LYSMD4: variants seen among roughly 807,000 people sequenced by gnomAD.
LYSMD4 encodes the protein LysM domain containing 4, also known as lysM and putative peptidoglycan-binding domain-containing protein 4.
A neutral mutation model predicts 6.1 loss-of-function variants in LYSMD4; 9 were observed. The ratio of observed to expected loss-of-function variants is 1.47; its 90% CI spans 0.88 to 2.56. The LOEUF (loss-of-function observed/expected upper bound fraction) is 2.56. Ranked by LOEUF, LYSMD4 falls within the 30% of genes most tolerant of loss-of-function variation. The probability of loss-of-function intolerance (pLI) is 0.00; values close to 1 mark genes in which losing one functional copy is unlikely to be tolerated. For missense variants in LYSMD4, 384 were observed against 373.5 expected, an observed-to-expected ratio of 1.03 and a Z score of -0.23; for synonymous variants, 143 against 148.5, an observed-to-expected ratio of 0.96 and a Z score of 0.27.
chr15:99,716,631 AG>A (rs1331134133), exon 2 of LYSMD4: 1 of 456,762 alleles, frequency 2.2e-6, no homozygotes. Flanking sequence ...GGGTTGAGAC[AG>A]GGTCAAGGAA....
downstream of LYSMD4, among the ~76,000 whole-genome samples, chr15:99,726,145 G>GTTTTT (rs1567547710): frequency 3.2e-5 from 1 of 31,412 alleles, no homozygotes; most frequent in African/African-American, 7.5e-5. Context: ...TGTCTCAAGT[G>GTTTTT]GTTTTTTTTT....
chr15:99,717,876 T>C (rs1338263785), upstream of LYSMD4: 2 of 152,194 alleles, frequency 1.3e-5, no homozygotes, highest in African/African-American at 2.4e-5. Flanking sequence ...CAGTCCCCCC[T>C]TTTTTTACTC....
At position 99,728,778 on chromosome 15, in the gene LYSMD4, G is replaced by T. The variant is rs751921077; in HGVS notation, c.*345C>A. Reference sequence around the variant, plus strand: ...GATGCCACTGGCTCTCACGCTGCAGGTCCCTCGACAGAGGCCATAAATCTT... The same window carrying T: ...GATGCCACTGGCTCTCACGCTGCAGTTCCCTCGACAGAGGCCATAAATCTT... On this transcript the variant is annotated 3_prime_UTR_variant, in exon 3 of 3. Coordinates refer to ENST00000684762, the MANE Select transcript of LYSMD4 (RefSeq NM_001284417.2). 2.3e-4 allele frequency: 67 copies of T among 290,778 alleles called. No homozygotes were observed. The highest frequency in any genetic ancestry group is 3.7e-4 in the Non-Finnish European group (56 of 150,038). 18.0% of individuals were successfully genotyped at this position (290,778 alleles called of 1,614,324 possible). A position where few individuals can be genotyped will look rare whatever the true frequency, so the allele number is the denominator to read the frequency against.
rs1394009649 is a variant in LYSMD4, at chr15:99,729,026, G to A, written c.*97C>T. 16 of 1,513,818 alleles carry A rather than the reference G, an allele frequency of 1.1e-5. No individual in the cohort carries two copies. The highest frequency in any genetic ancestry group is 6.2e-5 in the South Asian group (5 of 80,158). The allele number at this position is 1,513,818 out of a possible 1,614,324, so 93.8% of individuals were successfully genotyped here. The stretch of plus-strand genomic sequence containing the variant: ...TTCTGAAAAGTGTCCATCCTTCCCC[G>A]GAAGCAAAATGCAGCACCCCTAGGA... On this transcript the variant is annotated 3_prime_UTR_variant, in exon 3 of 3. Transcript: ENST00000684762.
At chr15:99,718,654 G>C (rs977351509), upstream of LYSMD4, among the ~76,000 whole-genome samples, 1 of 152,144 alleles carries the variant, frequency 6.6e-6, no homozygotes, top group Admixed American at 6.5e-5. Context: ...TGGCCATGAG[G>C]AGCTTGATCA....
chr15:99,730,852 A>G (rs77696040), intron 2 of LYSMD4, among the ~76,000 whole-genome samples: 1,726 of 152,292 alleles, frequency 0.011, 35 homozygotes, highest in African/African-American at 0.039. Context: ...TTTTCAGCCC[A>G]TGTTCTGTAA....
exon 1 of LYSMD4, chr15:99,716,645 C>G: frequency 2.2e-6 from 1 of 456,690 alleles, no homozygotes; most frequent in South Asian, 1.5e-5. Context: ...TCAAGGAAAC[C>G]GTCCCAACGC....
chr15:99,729,879 CAA>C, intron 2 of LYSMD4, 148 bp from the exon 3 acceptor site: 1 of 1,057,834 alleles, frequency 9.5e-7, no homozygotes, highest in Non-Finnish European at 1.3e-6. Context: ...CAGCTGTACA[CAA>C]AGTTAGTTTA....
At position 99,727,531 on chromosome 15, in the gene LYSMD4, T is replaced by C. The variant is rs1264684815; in HGVS notation, c.*1592A>G. The stretch of plus-strand genomic sequence containing the variant: ...CTGGTGAAGTGACAGTGACAGATGT[T>C]AGAGGAACCTGTGGCCCTCAGTGAC... On this transcript the variant is annotated 3_prime_UTR_variant, in exon 3 of 3. Coordinates refer to ENST00000684762, the MANE Select transcript of LYSMD4 (RefSeq NM_001284417.2). 1 of 152,200 alleles carries C rather than the reference T, an allele frequency of 6.6e-6. No homozygotes were observed. Among genetic ancestry groups the C allele is most frequent in the Non-Finnish European group, 1.5e-5 (1 of 68,048 alleles). The allele number at this position is 152,200 out of a possible 1,614,324, so 9.4% of individuals were successfully genotyped here.
exon 1 of LYSMD4, chr15:99,716,632 G>A (rs1037141693): frequency 6.6e-6 from 3 of 456,634 alleles, no homozygotes; most frequent in East Asian, 1.4e-4. Flanking sequence ...GGTTGAGACA[G>A]GGTCAAGGAA....
At chr15:99,725,272 T>C (rs1000888950), downstream of LYSMD4, among the ~76,000 whole-genome samples, 1 of 152,192 alleles carries the variant, frequency 6.6e-6, no homozygotes, top group Admixed American at 6.5e-5. Context: ...CCTAGATCAA[T>C]TGTATTTCCA....
In LYSMD4 at chr15:99,733,400, GCGAC is replaced by G. The variant is rs2059475258; in HGVS notation, c.-68_-65del. 1.5e-5 allele frequency: 6 copies of G among 395,816 alleles called. No homozygotes were observed. The highest frequency in any genetic ancestry group is 1.2e-4 in the African/African-American group (6 of 48,538). The allele number at this position is 395,816 out of a possible 1,614,324, so 24.5% of individuals were successfully genotyped here. ...ACCGGCGACTCGCGACCCGCGACCC[GCGAC>G]CCGCAGCTGCCACCGCGCCTGCGGA... is the stretch of plus-strand genomic sequence containing the variant. On this transcript the variant is annotated 5_prime_UTR_variant, in exon 1 of 3. Transcript: ENST00000684762.
upstream of LYSMD4, among the ~76,000 whole-genome samples, chr15:99,718,909 G>GCGCA (rs1332166917): frequency 3.3e-5 from 5 of 150,604 alleles, no homozygotes; most frequent in Non-Finnish European, 3.0e-5. Context: ...GTAGTTATGC[G>GCGCA]CACACACACA....
At chr15:99,725,509 T>C (rs984296502), downstream of LYSMD4, among the ~76,000 whole-genome samples, 1 of 152,206 alleles carries the variant, frequency 6.6e-6, no homozygotes, top group Non-Finnish European at 1.5e-5. Flanking sequence ...CCTTTGACTC[T>C]GCTGGACTTC....
At chr15:99,722,932 G>A (rs1388490679), downstream of LYSMD4, among the ~76,000 whole-genome samples, 2 of 152,096 alleles carry the variant, frequency 1.3e-5, no homozygotes, top group Non-Finnish European at 2.9e-5. Context: ...TTGGAAAACT[G>A]AGGCAGGAGA....
chr15:99,719,957 A>G (rs1359818433), upstream of LYSMD4, among the ~76,000 whole-genome samples: 1 of 152,156 alleles, frequency 6.6e-6, no homozygotes, highest in Admixed American at 6.5e-5. Flanking sequence ...ATGTTTGAGA[A>G]CATTTTAATA....
At position 99,731,482 on chromosome 15, in the gene LYSMD4, T is replaced by C. The variant is rs138569299; in HGVS notation, c.282+236A>G. ...GTGGAGAAAACAGGAAAAGGAGAAG[T>C]TCCCTGCAGAGAAAGAAATGCGCTA... On this transcript the variant is annotated intron_variant, in intron 2 of 2. Coordinates refer to ENST00000684762, the MANE Select transcript of LYSMD4 (RefSeq NM_001284417.2). The C allele has an allele frequency of 1.4e-5, 22 of 1,592,744 alleles. No homozygotes were observed. In the African/African-American group the frequency reaches 2.0e-4, roughly 15 times the overall value.
intron 1 of LYSMD4, 146 bp downstream of exon 1, chr15:99,733,199 C>T (rs1017802826): frequency 4.3e-4 from 160 of 373,688 alleles, no homozygotes; most frequent in Middle Eastern, 7.0e-4. Context: ...GTCGCGGTCA[C>T]CGCCCCTCCA....
At chr15:99,721,568 A>T (rs1343048280), upstream of LYSMD4, among the ~76,000 whole-genome samples, 1 of 152,212 alleles carries the variant, frequency 6.6e-6, no homozygotes, top group African/African-American at 2.4e-5. Flanking sequence ...AGCCTTTCTA[A>T]GAAAAATCTG....
Sources: gnomAD v4.1 joint callset for allele counts (sites outside exome capture counted in the v4.1 genomes callset) on GRCh38, gnomAD v4.1.1 for gene constraint, MANE v1.5 for transcripts, NCBI Gene and HGNC (gene_info 2026-07-23, HGNC 2026-07-21) for gene names.